AHCYL2: variants seen among roughly 807,000 people sequenced by gnomAD.
AHCYL2 encodes the protein adenosylhomocysteinase like 2, also known as S-adenosylhomocysteine hydrolase-like protein 2.
A neutral mutation model predicts 81.4 loss-of-function variants in AHCYL2; 28 were observed. That is an observed-to-expected ratio of 0.34 (90% CI 0.25 to 0.47). AHCYL2 has a LOEUF of 0.47. Among genes scored for constraint, AHCYL2 ranks in the 20% least tolerant of loss-of-function variants. The pLI, the probability that AHCYL2 is intolerant of heterozygous loss-of-function variation, is 1.00. For synonymous variants in AHCYL2, 272 were observed against 290.2 expected, an observed-to-expected ratio of 0.94 and a Z score of 0.64; for missense variants, 551 against 785.1, an observed-to-expected ratio of 0.70 and a Z score of 3.56.
intron 2 of AHCYL2, among the ~76,000 whole-genome samples, chr7:129,382,629 G>GGC (rs1429990515): frequency 6.6e-6 from 1 of 151,568 alleles, no homozygotes; most frequent in Admixed American, 6.6e-5. Flanking sequence ...TTTTAGGCAG[G>GGC]GCGCGTTGGC....
At chr7:129,314,184 T>C (rs1408536652) in intron 1 of AHCYL2, among the ~76,000 whole-genome samples, 2 of 152,210 alleles carry the variant, frequency 1.3e-5, no homozygotes, top group African/African-American at 2.4e-5. Flanking sequence ...TCTAGTCTCA[T>C]GTGTCACTTT....
At position 129,290,141 on chromosome 7, in the gene AHCYL2, A is replaced by G. The variant is rs989738921; in HGVS notation, c.363+64702A>G. Among the ~76,000 whole-genome samples the G allele has an allele frequency of 4.6e-5, 7 of 152,286 alleles. No individual in the cohort carries two copies. In the East Asian group the frequency reaches 5.8e-4, roughly 13 times the overall value. ...ACGTGTCTTAGACATCTTTCTGTCCATGGTGCCTAGTGCGTGGCTTTCAAT... is the reference window on the plus strand; with the variant it reads ...ACGTGTCTTAGACATCTTTCTGTCCGTGGTGCCTAGTGCGTGGCTTTCAAT... On this transcript the variant is annotated intron_variant, in intron 1 of 16. Transcript: ENST00000325006.
chr7:129,361,516 G>A (rs1032626729), intron 1 of AHCYL2, among the ~76,000 whole-genome samples: 2 of 152,172 alleles, frequency 1.3e-5, no homozygotes, highest in African/African-American at 4.8e-5. Flanking sequence ...AAATATTTGT[G>A]ATTTGATTAA....
chr7:129,349,166 G>A (rs931964909), intron 1 of AHCYL2, among the ~76,000 whole-genome samples: 2 of 152,092 alleles, frequency 1.3e-5, no homozygotes, highest in African/African-American at 2.4e-5. Context: ...AAATTCAAAG[G>A]TTCCCTTCAT....
chr7:129,238,947 G>A (rs1009582865), intron 1 of AHCYL2, among the ~76,000 whole-genome samples: 11 of 151,840 alleles, frequency 7.2e-5, no homozygotes, highest in Non-Finnish European at 1.3e-4. Flanking sequence ...GCAAAACTCC[G>A]TCTCAAAAAA....
chr7:129,288,067 C>T (rs1277631191), intron 1 of AHCYL2, among the ~76,000 whole-genome samples: 1 of 152,052 alleles, frequency 6.6e-6, no homozygotes, highest in African/African-American at 2.4e-5. Flanking sequence ...GCATAAAAAC[C>T]CAATGTTCAC....
At chr7:129,335,424 C>T (rs1256495120) in intron 1 of AHCYL2, among the ~76,000 whole-genome samples, 1 of 151,646 alleles carries the variant, frequency 6.6e-6, no homozygotes, top group East Asian at 1.9e-4. Flanking sequence ...AAGAGGAGAG[C>T]TTGTCTGTTA....
chr7:129,362,617 T>G (rs1311012715), intron 1 of AHCYL2, among the ~76,000 whole-genome samples: 1 of 146,886 alleles, frequency 6.8e-6, no homozygotes, highest in African/African-American at 2.5e-5. Context: ...TTTTTTTTTT[T>G]TTTTTTTATG....
At chr7:129,418,894 T>C (rs751356063) in intron 12 of AHCYL2, among the ~76,000 whole-genome samples, 1 of 152,192 alleles carries the variant, frequency 6.6e-6, no homozygotes, top group Non-Finnish European at 1.5e-5. Context: ...TAAGAAGTGA[T>C]ACATTGTGAC....
At chr7:129,370,107 A>G (rs1794309190) in intron 1 of AHCYL2, among the ~76,000 whole-genome samples, 1 of 152,202 alleles carries the variant, frequency 6.6e-6, no homozygotes, top group Non-Finnish European at 1.5e-5. Flanking sequence ...AATTCTACTG[A>G]ACATTAGTGT....
chr7:129,389,866 T>G, intron 4 of AHCYL2, 132 bp downstream of exon 4: 6 of 615,992 alleles, frequency 9.7e-6, no homozygotes, highest in Non-Finnish European at 1.3e-5. Flanking sequence ...ATAATGGCCA[T>G]ATAAAGCAGG....
intron 1 of AHCYL2, among the ~76,000 whole-genome samples, chr7:129,305,132 G>A (rs530061920): frequency 2.2e-4 from 33 of 152,036 alleles, no homozygotes; most frequent in African/African-American, 6.8e-4. Context: ...TGACAACACC[G>A]ATTGTATAAA....
intron 1 of AHCYL2, among the ~76,000 whole-genome samples, chr7:129,257,719 G>A (rs915487484): frequency 1.3e-5 from 2 of 152,084 alleles, no homozygotes; most frequent in African/African-American, 2.4e-5. Flanking sequence ...GTAATTTGTT[G>A]TCCATACCCT....
chr7:129,413,669 C>G lies in AHCYL2; in HGVS notation c.1442C>G (p.Ser481Cys). ...NSCIVCNMGHSNTEIDVASLR... is the reference protein window; with the variant it reads ...NSCIVCNMGHCNTEIDVASLR... The stretch of plus-strand genomic sequence containing the variant: ...TGCATCGTTTGTAACATGGGACATT[C>G]CAACACAGAGATTGACGTGGTAAGA... The change falls in exon 12 of 17, where the codon TCC (serine) becomes TGC (cysteine). Residue 481 changes from serine to cysteine, a missense_variant. By Grantham distance (112) the Ser-to-Cys change is moderately radical. Around this residue, in one of 2 missense-constraint regions of AHCYL2, gnomAD observed 316 missense variants for 543.1 expected, o/e 0.58. Coordinates refer to ENST00000325006, the MANE Select transcript of AHCYL2 (RefSeq NM_015328.4). The G allele has an allele frequency of 6.2e-7, 1 of 1,614,030 alleles. No individual in the cohort carries two copies. The highest frequency in any genetic ancestry group is 8.5e-7 in the Non-Finnish European group (1 of 1,179,984).
At chr7:129,231,878 A>G (rs558358331) in intron 1 of AHCYL2, among the ~76,000 whole-genome samples, 9 of 152,094 alleles carry the variant, frequency 5.9e-5, no homozygotes, top group South Asian at 4.2e-4. Context: ...GTATCGTGCA[A>G]CAGTTCAGTT....
intron 1 of AHCYL2, among the ~76,000 whole-genome samples, chr7:129,305,582 A>C (rs1464804520): frequency 2.0e-5 from 3 of 152,130 alleles, no homozygotes; most frequent in South Asian, 2.1e-4. Context: ...TGTAGTTATT[A>C]TTTTTGATCA....
chr7:129,232,530 C>T (rs1464794087), intron 1 of AHCYL2, among the ~76,000 whole-genome samples: 1 of 152,234 alleles, frequency 6.6e-6, no homozygotes, highest in Non-Finnish European at 1.5e-5. Context: ...CCATGCCTCA[C>T]ATCCCTGTTT....
chr7:129,405,501 G>GCTTTCCAC, intron 8 of AHCYL2: 2 of 346,138 alleles, frequency 5.8e-6, no homozygotes. Flanking sequence ...TGCACCACTT[G>GCTTTCCAC]CAAGAAAGGG....
At chr7:129,255,740 T>C (rs891209086) in intron 1 of AHCYL2, among the ~76,000 whole-genome samples, 2 of 152,126 alleles carry the variant, frequency 1.3e-5, no homozygotes, top group African/African-American at 4.8e-5. Flanking sequence ...CCCAGCACTT[T>C]GGGAGGCCGA....
Sources: gnomAD v4.1 joint callset for allele counts (sites outside exome capture counted in the v4.1 genomes callset) on GRCh38, gnomAD v4.1.1 for gene constraint, gnomAD v4.1.1 regional missense constraint, MANE v1.5 for transcripts, NCBI Gene and HGNC (gene_info 2026-07-23, HGNC 2026-07-21) for gene names.